Variants in CCDC149 observed in about 807,000 individuals in gnomAD.
CCDC149 encodes coiled-coil domain containing 149, also known as coiled-coil domain-containing protein 149.
Under a neutral mutation model 59.9 loss-of-function variants are expected in CCDC149, and 45 were observed. That is an observed-to-expected ratio of 0.75 (90% CI 0.59 to 0.96). The LOEUF (loss-of-function observed/expected upper bound fraction) is 0.96, where lower values mean the gene tolerates loss of function less well. Ranked by LOEUF, CCDC149 falls within the 40% of genes least tolerant of loss-of-function variation. The pLI is 0.00. For missense variants in CCDC149, 584 were observed against 664.7 expected (o/e 0.88, Z 1.33); for synonymous variants, 245 against 260.6 (o/e 0.94, Z 0.58).
At chr4:24,871,940 A>T (rs1473763577) in intron 3 of CCDC149, among the ~76,000 whole-genome samples, 1 of 152,220 alleles carries the variant, frequency 6.6e-6, no homozygotes, top group African/African-American at 2.4e-5. Flanking sequence ...AATTTAACAA[A>T]ACCCCTATCA....
At chr4:24,938,491 A>T (rs1722847459) in intron 1 of CCDC149, among the ~76,000 whole-genome samples, 1 of 152,194 alleles carries the variant, frequency 6.6e-6, no homozygotes, top group South Asian at 2.1e-4. Context: ...AAGACAGGTG[A>T]TTTCTGCATT....
At chr4:24,952,011 G>A (rs1262828128) in intron 1 of CCDC149, among the ~76,000 whole-genome samples, 1 of 151,978 alleles carries the variant, frequency 6.6e-6, no homozygotes, top group Non-Finnish European at 1.5e-5. Context: ...TCTTTTTGTT[G>A]GGTGCTCATT....
chr4:24,825,009 C>A (rs946660714), intron 9 of CCDC149, among the ~76,000 whole-genome samples: 1 of 152,204 alleles, frequency 6.6e-6, no homozygotes, highest in Non-Finnish European at 1.5e-5. Flanking sequence ...CCTGGTATGA[C>A]GCAGCCCAGG....
rs182938749 is a variant in CCDC149, at chr4:24,951,924, C to T, written c.-65+28145G>A. On this transcript the variant is annotated intron_variant, in intron 1 of 12. Coordinates refer to the CCDC149 transcript ENST00000389609. ...AGGTAAGTGCTGTATATTAATGGGG[C>T]ACCTTTGGTCTTAGAAGAAAAGGAG... Among the ~76,000 whole-genome samples, 377 of 152,286 alleles carry T rather than the reference C, an allele frequency of 2.5e-3. 2 individuals are homozygous for T. The highest frequency in any genetic ancestry group is 8.8e-3 in the African/African-American group (367 of 41,564).
At chr4:24,952,449 A>G (rs1723319132) in intron 1 of CCDC149, among the ~76,000 whole-genome samples, 1 of 151,072 alleles carries the variant, frequency 6.6e-6, no homozygotes, top group Admixed American at 6.6e-5. Flanking sequence ...ACAATTATCC[A>G]GGCATGGTTG....
chr4:24,965,614 A>AT, intron 1 of CCDC149, among the ~76,000 whole-genome samples: 1 of 152,388 alleles, frequency 6.6e-6, no homozygotes, highest in African/African-American at 2.4e-5. Context: ...ACATATAAGA[A>AT]TTTGAGATAT....
Position 24,819,855 on chromosome 4 carries a change from T to A in CCDC149, c.1192+4A>T. The A allele has an allele frequency of 6.5e-7, 1 of 1,548,978 alleles. No individual in the cohort carries two copies. Among genetic ancestry groups the A allele is most frequent in the Non-Finnish European group, 8.7e-7 (1 of 1,144,600 alleles). On this transcript the variant is annotated splice_donor_region_variant and intron_variant, in intron 12 of 12. Transcript: ENST00000635206. ...TAAAGATGGAGAAATCGAGGCGTGCTTACCATCCTTGGGATCTGCTTTGTT... is the reference window on the plus strand; with the variant it reads ...TAAAGATGGAGAAATCGAGGCGTGCATACCATCCTTGGGATCTGCTTTGTT...
At chr4:24,835,489 T>A (rs1455900755) in intron 7 of CCDC149, among the ~76,000 whole-genome samples, 1 of 152,226 alleles carries the variant, frequency 6.6e-6, no homozygotes, top group Non-Finnish European at 1.5e-5. Context: ...GAAGTACATA[T>A]GTGCCACCTA....
chr4:24,970,728 G>A (rs896947749), intron 1 of CCDC149, among the ~76,000 whole-genome samples: 1 of 152,154 alleles, frequency 6.6e-6, no homozygotes, highest in Non-Finnish European at 1.5e-5. Context: ...TGGACTGGAT[G>A]TTGTACCTGG....
intron 1 of CCDC149, among the ~76,000 whole-genome samples, chr4:24,921,418 A>T (rs1170878496): frequency 6.6e-6 from 1 of 152,160 alleles, no homozygotes; most frequent in African/African-American, 2.4e-5. Flanking sequence ...CAACACCCCC[A>T]TCCAGGAGAG....
At chr4:24,959,811 T>C (rs1028583197) in intron 1 of CCDC149, among the ~76,000 whole-genome samples, 1 of 152,070 alleles carries the variant, frequency 6.6e-6, no homozygotes, top group African/African-American at 2.4e-5. Context: ...CAAGCAAAAA[T>C]ACCATTTAAA....
chr4:24,876,710 C>G lies in CCDC149; in HGVS notation c.64-13G>C, dbSNP rs990584128. On this transcript the variant is annotated splice_polypyrimidine_tract_variant and intron_variant, in intron 1 of 12. Transcript: ENST00000635206. ...TACACACCAGGTACTGCAAAGCAAA[C>G]AAATCCAGGCAATGGGTCAAAAACA... is the stretch of plus-strand genomic sequence containing the variant. 5.6e-6 allele frequency: 9 copies of G among 1,596,162 alleles called. No individual in the cohort carries two copies. The highest frequency in any genetic ancestry group is 7.7e-6 in the Non-Finnish European group (9 of 1,170,498).
chr4:24,977,444 C>T (rs2109374512), intron 1 of CCDC149, among the ~76,000 whole-genome samples: 2 of 152,262 alleles, frequency 1.3e-5, no homozygotes. Flanking sequence ...CATTTCACTC[C>T]CCAACACCTC....
chr4:24,972,598 C>T (rs186498077), intron 1 of CCDC149, among the ~76,000 whole-genome samples: 285 of 152,274 alleles, frequency 1.9e-3, no homozygotes, highest in Middle Eastern at 3.4e-3. Flanking sequence ...CGAGCCACCA[C>T]GCCCAGCCTT....
intron 1 of CCDC149, among the ~76,000 whole-genome samples, chr4:24,954,665 T>A (rs764232397): frequency 6.6e-6 from 1 of 152,206 alleles, no homozygotes; most frequent in African/African-American, 2.4e-5. Context: ...AGATTCAAGA[T>A]GGCCCTGAGC....
chr4:24,836,649 A>C (rs1391175353), intron 6 of CCDC149, 141 bp from the exon 7 acceptor site: 2 of 596,312 alleles, frequency 3.4e-6, no homozygotes, highest in Non-Finnish European at 6.0e-6. Flanking sequence ...ACCAGAGAGG[A>C]GAAACATGTG....
chr4:24,951,416 T>C (rs1255113817), intron 1 of CCDC149, among the ~76,000 whole-genome samples: 3 of 151,998 alleles, frequency 2.0e-5, no homozygotes, highest in African/African-American at 4.8e-5. Flanking sequence ...ATAATACAAC[T>C]TCAAAAGAGC....
intron 1 of CCDC149, among the ~76,000 whole-genome samples, chr4:24,912,316 A>C (rs1194715153): frequency 6.6e-6 from 1 of 152,096 alleles, no homozygotes. Context: ...GATTGAATTG[A>C]GCAAGTGAAT....
At chr4:24,940,511 C>T (rs1023857036) in intron 1 of CCDC149, among the ~76,000 whole-genome samples, 4 of 152,168 alleles carry the variant, frequency 2.6e-5, no homozygotes, top group Non-Finnish European at 4.4e-5. Flanking sequence ...AACCAGCTAA[C>T]ATCATAATGA....
Sources: allele counts gnomAD v4.1 joint callset (sites outside exome capture counted in the v4.1 genomes callset), GRCh38; gene constraint gnomAD v4.1.1; transcripts MANE v1.5; gene names NCBI Gene and HGNC (gene_info 2026-07-23, HGNC 2026-07-21).